DNAI4: variants seen among roughly 807,000 people sequenced by gnomAD.
DNAI4 encodes dynein axonemal intermediate chain 4, also known as WD repeat domain 78.
Under a neutral mutation model 105.8 loss-of-function variants are expected in DNAI4, and 85 were observed. The observed-to-expected ratio is 0.80, with a 90% CI of 0.67 to 0.96. The LOEUF (loss-of-function observed/expected upper bound fraction) is 0.96, where lower values mean the gene tolerates loss of function less well. Among genes scored for constraint, DNAI4 ranks in the 40% least tolerant of loss-of-function variants. The pLI is 0.00. For missense variants in DNAI4, 1,014 were observed against 1,005.6 expected, an observed-to-expected ratio of 1.01 and a Z score of -0.11; for synonymous variants, 352 against 331.5, an observed-to-expected ratio of 1.06 and a Z score of -0.67.
chr1:66,837,766 CA>C lies in DNAI4; in HGVS notation c.1524del (p.Phe508LeufsTer16). ...AGTCCTCTTTTTTGCTCTTTAAATC[CA>C]AAGTGCCCATAGCCAACAGCCAAAA... is the stretch of plus-strand genomic sequence containing the variant. The part of the protein sequence containing the change: ...PDLLAVGYGH[F>X]GFKEQKRGLA... On this transcript the variant is annotated frameshift_variant, in exon 10 of 17. Transcript: ENST00000371026. LOFTEE classifies it high-confidence loss of function. 1 of 1,608,406 alleles carries C rather than the reference CA, an allele frequency of 6.2e-7. No individual in the cohort carries two copies. Among genetic ancestry groups the C allele is most frequent in the Non-Finnish European group, 8.5e-7 (1 of 1,178,268 alleles).
At chr1:66,921,817 C>T (rs1383671446) in intron 1 of DNAI4, among the ~76,000 whole-genome samples, 1 of 151,674 alleles carries the variant, frequency 6.6e-6, no homozygotes, top group Non-Finnish European at 1.5e-5. Flanking sequence ...GTGAACAAAA[C>T]AAAAATCTCT....
chr1:66,924,180 CTTATTTTTTA>C (rs747296410), intron 1 of DNAI4, among the ~76,000 whole-genome samples: 7 of 152,146 alleles, frequency 4.6e-5, no homozygotes, highest in African/African-American at 7.2e-5. Context: ...TTTATTTTAT[CTTATTTTTTA>C]GACAGAGTCT....
chr1:66,827,708 C>A, intron 14 of DNAI4, 104 bp downstream of exon 14: 1 of 550,008 alleles, frequency 1.8e-6, no homozygotes, highest in Non-Finnish European at 3.0e-6. Context: ...GTATTTTTAA[C>A]TCTGAAGTTG....
intron 7 of DNAI4, among the ~76,000 whole-genome samples, chr1:66,856,937 AATAAAC>A (rs536798557): frequency 1.8e-3 from 281 of 152,176 alleles, no homozygotes; most frequent in African/African-American, 6.2e-3. Flanking sequence ...AGAGAAAGAA[AATAAAC>A]ATAAACCTAA....
Position 66,890,950 on chromosome 1 carries a change from G to T in DNAI4, c.643+204C>A. The T allele has an allele frequency of 1.7e-6, 1 of 576,996 alleles. No individual in the cohort carries two copies. Among genetic ancestry groups the T allele is most frequent in the Non-Finnish European group, 3.1e-6 (1 of 324,064 alleles). The allele number at this position is 576,996 out of a possible 1,614,324, so 35.7% of individuals were successfully genotyped here. A position where few individuals can be genotyped will look rare whatever the true frequency, so the allele number is the denominator to read the frequency against. ...CTGAGCTCTAACACAAAGCGCCATTGGTTCCTCAGGCTGATGATTCAAAAC... is the reference window on the plus strand; with the variant it reads ...CTGAGCTCTAACACAAAGCGCCATTTGTTCCTCAGGCTGATGATTCAAAAC... On this transcript the variant is annotated intron_variant, in intron 4 of 16. Transcript: ENST00000371026. The surrounding 1 kb of genome is among the most constrained non-coding windows in gnomAD (Gnocchi z 4.1).
At chr1:66,827,668 T>A (rs1289888803) in intron 14 of DNAI4, 144 bp downstream of exon 14, 1 of 407,240 alleles carries the variant, frequency 2.5e-6, no homozygotes, top group Non-Finnish European at 4.5e-6. Context: ...ATTGGTGGTT[T>A]CCATAGAAGA....
Position 66,871,559 on chromosome 1 carries a change from C to T in DNAI4, c.801-50G>A, listed in dbSNP as rs371974955. ...CTCATTAATAAGAATCATCACCACA[C>T]GTATTATCTCTTTATATTATTCTTT... On this transcript the variant is annotated intron_variant, in intron 5 of 16. Coordinates refer to ENST00000371026, the MANE Select transcript of DNAI4 (RefSeq NM_024763.5). 5.3e-4 allele frequency: 762 copies of T among 1,446,958 alleles called. 2 individuals are homozygous for T. Among genetic ancestry groups the T allele is most frequent in the Non-Finnish European group, 6.4e-4 (695 of 1,080,900 alleles). 89.6% of individuals were successfully genotyped at this position (1,446,958 alleles called of 1,614,324 possible). A position where few individuals can be genotyped will look rare whatever the true frequency, so the allele number is the denominator to read the frequency against.
Position 66,912,398 on chromosome 1 carries a change from G to T in DNAI4, c.171-7023C>A, listed in dbSNP as rs558901450. Among the ~76,000 whole-genome samples, 3 of 152,090 alleles carry T rather than the reference G, an allele frequency of 2.0e-5. No individual in the cohort carries two copies. In the East Asian group the frequency reaches 5.8e-4, roughly 30 times the overall value. ...GCAGGAGAATCGCTTGAATCTGGGA[G>T]GTAGAGGCTATAGTGAGCCAAGATC... On this transcript the variant is annotated intron_variant, in intron 1 of 16. Coordinates refer to ENST00000371026, the MANE Select transcript of DNAI4 (RefSeq NM_024763.5).
intron 7 of DNAI4, among the ~76,000 whole-genome samples, chr1:66,856,321 A>T (rs992778213): frequency 1.3e-5 from 2 of 151,784 alleles, no homozygotes; most frequent in African/African-American, 4.8e-5. Context: ...TACAAAAAAA[A>T]AAATAGCCAG....
intron 7 of DNAI4, among the ~76,000 whole-genome samples, chr1:66,855,798 C>A (rs1323973383): frequency 6.6e-6 from 1 of 152,140 alleles, no homozygotes; most frequent in African/African-American, 2.4e-5. Flanking sequence ...AACAGATCAA[C>A]AGACAGAAAA....
chr1:66,914,817 A>G (rs1466972191), intron 1 of DNAI4, among the ~76,000 whole-genome samples: 1 of 152,256 alleles, frequency 6.6e-6, no homozygotes, highest in Non-Finnish European at 1.5e-5. Context: ...ACTACTAAAA[A>G]TATATAAAAG....
intron 1 of DNAI4, among the ~76,000 whole-genome samples, chr1:66,911,944 T>G (rs1649689038): frequency 6.6e-6 from 1 of 152,162 alleles, no homozygotes; most frequent in South Asian, 2.1e-4. Flanking sequence ...AAGGTTCAAG[T>G]GATTCTCCTG....
In DNAI4 at chr1:66,834,127, C is replaced by A; in HGVS notation, c.1755G>T (p.Leu585Phe). 6.2e-7 allele frequency: 1 copy of A among 1,603,872 alleles called. No homozygotes were observed. Among genetic ancestry groups the A allele is most frequent in the South Asian group, 1.1e-5 (1 of 88,054 alleles). ...LDSSESPQKH[L>F]GPVWQLQWIE... is the part of the protein sequence containing the mutation. ...TCCACTGTAGTTGCCATACAGGTCC[C>A]AAATGTTTTTGAGGTGATTCACTAA... The change falls in exon 12 of 17, where the codon TTG becomes TTT. Residue 585 changes from leucine to phenylalanine, a missense_variant. By Grantham distance (22) the Leu-to-Phe change is conservative. Coordinates refer to ENST00000371026, the MANE Select transcript of DNAI4 (RefSeq NM_024763.5).
intron 1 of DNAI4, among the ~76,000 whole-genome samples, chr1:66,907,553 C>G (rs1649353974): frequency 6.6e-6 from 1 of 152,176 alleles, no homozygotes; most frequent in Admixed American, 6.5e-5. Flanking sequence ...ACTATATACA[C>G]TATCCCTGAG....
chr1:66,876,229 T>A, intron 4 of DNAI4, among the ~76,000 whole-genome samples: 1 of 152,072 alleles, frequency 6.6e-6, no homozygotes, highest in East Asian at 1.9e-4. Flanking sequence ...TAGTCCAAAC[T>A]TTTTGTCAAT....
At chr1:66,894,134 A>T in intron 2 of DNAI4, among the ~76,000 whole-genome samples, 1 of 152,210 alleles carries the variant, frequency 6.6e-6, no homozygotes, top group African/African-American at 2.4e-5. Flanking sequence ...TCTTAAAAAA[A>T]TAGTTAACTG....
At chr1:66,838,118 G>T (rs1020395345) in intron 9 of DNAI4, among the ~76,000 whole-genome samples, 34 of 152,270 alleles carry the variant, frequency 2.2e-4, no homozygotes, top group Middle Eastern at 6.8e-3. Flanking sequence ...AGTTTTTGAG[G>T]ATGACTTAAT....
At chr1:66,832,498 G>A (rs754279426) in intron 13 of DNAI4, among the ~76,000 whole-genome samples, 6 of 152,110 alleles carry the variant, frequency 3.9e-5, no homozygotes, top group Non-Finnish European at 7.4e-5. Context: ...GAGAGTACAA[G>A]GATGGTTACC....
chr1:66,869,924 T>A (rs545412251), intron 6 of DNAI4, among the ~76,000 whole-genome samples: 1 of 152,100 alleles, frequency 6.6e-6, no homozygotes, highest in East Asian at 1.9e-4. Context: ...CACTCCTAAG[T>A]AGGAATGAGT....
Sources: gnomAD v4.1 joint callset for allele counts (sites outside exome capture counted in the v4.1 genomes callset) on GRCh38, gnomAD v4.1.1 for gene constraint, Gnocchi (gnomAD v3.1) non-coding constraint, MANE v1.5 for transcripts, NCBI Gene and HGNC (gene_info 2026-07-23, HGNC 2026-07-21) for gene names.